Variants in MUC5B observed in about 807,000 individuals in gnomAD.
MUC5B encodes mucin-5B.
In MUC5B, 116 loss-of-function variants were observed where a neutral mutation model predicts 376.9. That is an observed-to-expected ratio of 0.31 (90% CI 0.26 to 0.36). The LOEUF (loss-of-function observed/expected upper bound fraction) is 0.36. MUC5B is among the 10% of genes least tolerant of loss of function. The pLI, the probability that MUC5B is intolerant of heterozygous loss-of-function variation, is 1.00. For synonymous variants in MUC5B, 3,517 were observed against 3,390.9 expected (o/e 1.04, Z -1.29); for missense variants, 7,165 against 7,769.9 (o/e 0.92, Z 2.93).
chr11:1,248,252 C>T lies in MUC5B; in HGVS notation c.11372C>T (p.Ala3791Val). Residue 3791 changes from alanine to valine, a missense_variant, in exon 31 of 49, where the codon GCT becomes GTT. Coordinates refer to ENST00000529681, the MANE Select transcript of MUC5B (RefSeq NM_002458.3). ...ALRSTATTPT[A>V]TSFTAIPSSS... ...AGAAGCACAGCCACCACACCCACAG[C>T]TACCAGCTTTACAGCCATCCCCTCC... 6.2e-7 allele frequency: 1 copy of T among 1,603,784 alleles called. No homozygotes were observed. The highest frequency in any genetic ancestry group is 1.1e-5 in the South Asian group (1 of 90,716).
Position 1,248,609 on chromosome 11 carries a change from C to T in MUC5B, c.11729C>T (p.Pro3910Leu), listed in dbSNP as rs199815821. The T allele has an allele frequency of 3.0e-5, 48 of 1,612,798 alleles. No individual in the cohort carries two copies. The highest frequency in any genetic ancestry group is 2.5e-4 in the African/African-American group (19 of 74,856). ...SGSTVTPSSV[P>L]GTTHTPTVLT... Reference sequence around the variant, plus strand: ...TCCACGGTGACCCCCTCCTCCGTCCCGGGGACCACCCACACCCCCACAGTG... The same window carrying T: ...TCCACGGTGACCCCCTCCTCCGTCCTGGGGACCACCCACACCCCCACAGTG... Residue 3910 changes from proline (P) to leucine (L), a missense_variant, in exon 31 of 49, where the codon CCG becomes CTG. This residue lies in a region of MUC5B where 242 missense variants were observed against 199.0 expected (regional missense o/e 1.22). Transcript: ENST00000529681.
rs777896951 is a variant in MUC5B, at chr11:1,241,357, G to T, written c.4477G>T (p.Val1493Phe). The T allele has an allele frequency of 6.2e-7, 1 of 1,612,486 alleles. No individual in the cohort carries two copies. Among genetic ancestry groups the T allele is most frequent in the Admixed American group, 1.7e-5 (1 of 59,756 alleles). Reference protein sequence around the residue: ...QTGSSSGPVTVTPSAPGTTTC... With the variant: ...QTGSSSGPVTFTPSAPGTTTC... ...TGGGTCCAGCTCAGGCCCCGTGACGGTCACCCCCTCGGCCCCAGGTACCAC... is the reference window on the plus strand; with the variant it reads ...TGGGTCCAGCTCAGGCCCCGTGACGTTCACCCCCTCGGCCCCAGGTACCAC... The change falls in exon 31 of 49, where the codon GTC (valine) becomes TTC (phenylalanine). Residue 1493 changes from valine (V) to phenylalanine (F), a missense_variant. By Grantham distance (50) the Val-to-Phe change is conservative. Around this residue, in one of 31 missense-constraint regions of MUC5B, gnomAD observed 517 missense variants for 545.3 expected, o/e 0.95. Transcript: ENST00000529681.
Position 1,253,943 on chromosome 11 carries a change from C to A in MUC5B, c.15218-149C>A. The stretch of plus-strand genomic sequence containing the variant: ...GGGGGACCCCATTCTACACACTGGA[C>A]CCATTTTTATAGACGAGGCAGCTGA... On this transcript the variant is annotated intron_variant, in intron 33 of 48. Transcript: ENST00000529681. This position sits in a 1 kb window ranked among gnomAD's most constrained non-coding sequence, Gnocchi z 4.3. The A allele has an allele frequency of 1.8e-6, 2 of 1,094,340 alleles. No homozygotes were observed. Among genetic ancestry groups the A allele is most frequent in the Admixed American group, 2.5e-5 (1 of 39,638 alleles). The allele number at this position is 1,094,340 out of a possible 1,614,324, so 67.8% of individuals were successfully genotyped here.
In MUC5B at chr11:1,245,810, C is replaced by T; in HGVS notation, c.8930C>T (p.Thr2977Ile). 3 of 1,613,392 alleles carry T rather than the reference C, an allele frequency of 1.9e-6. No individual in the cohort carries two copies. The highest frequency in any genetic ancestry group is 2.5e-6 in the Non-Finnish European group (3 of 1,179,804). ...NYGHCPSTPA[T>I]SSTATPSSTP... is the part of the protein sequence containing the mutation. ...GGCCACTGCCCCAGCACCCCGGCCA[C>T]CAGCTCTACGGCCACGCCCTCCTCC... Residue 2977 changes from threonine to isoleucine, a missense_variant, in exon 31 of 49, where the codon ACC (threonine) becomes ATC (isoleucine). Around this residue, in one of 31 missense-constraint regions of MUC5B, gnomAD observed 939 missense variants for 770.6 expected, o/e 1.22. Transcript: ENST00000529681.
In MUC5B at chr11:1,247,080, C is replaced by A. The variant is rs376457579; in HGVS notation, c.10200C>A (p.Thr3400=). The change falls in exon 31 of 49, where the codon ACC becomes ACA. Residue 3400 remains threonine (T), a synonymous_variant. Transcript: ENST00000529681. ...LTTTATTITA[T]GSTTNPSSTP... ...CCACGGCCACTACGATCACAGCCAC[C>A]GGCTCCACCACCAACCCCTCCTCAA... 6.4e-7 allele frequency: 1 copy of A among 1,562,236 alleles called. No homozygotes were observed. The highest frequency in any genetic ancestry group is 8.7e-7 in the Non-Finnish European group (1 of 1,153,430).
chr11:1,240,676 C>A (rs56113656), intron 30 of MUC5B, among the ~76,000 whole-genome samples, 175 bp from the exon 31 acceptor site: 3,468 of 152,342 alleles, frequency 0.023, 55 homozygotes, highest in Non-Finnish European at 0.033. Flanking sequence ...GGCTGCCAGG[C>A]CCCAGTCCCT....
rs1262849143 is a variant in MUC5B at position 1,245,834 on chromosome 11, C to G, written c.8954C>G (p.Ser2985Cys). 2 of 1,613,484 alleles carry G rather than the reference C, an allele frequency of 1.2e-6. No individual in the cohort carries two copies. The highest frequency in any genetic ancestry group is 1.7e-6 in the Non-Finnish European group (2 of 1,179,840). The change falls in exon 31 of 49, where the codon TCC becomes TGC. Residue 2985 changes from serine to cysteine, a missense_variant. Transcript: ENST00000529681. ...PATSSTATPS[S>C]TPGTTWILTE... ...ACCAGCTCTACGGCCACGCCCTCCT[C>G]CACTCCAGGGACGACCTGGATCCTC... is the stretch of plus-strand genomic sequence containing the variant.
rs1252607459 is a variant in MUC5B, at chr11:1,239,073, G to A, written c.3454+46G>A. 9.0e-6 allele frequency: 14 copies of A among 1,553,320 alleles called. No homozygotes were observed. The East Asian group carries it at 1.7e-4, about 19-fold the overall frequency. ...GGTGCTGAAGGGTGGAGCTGCTGGG[G>A]CAGGGGAGGAGGTGTGGCAGCCTCC... On this transcript the variant is annotated intron_variant, in intron 26 of 48. Transcript: ENST00000529681.
At chr11:1,227,516 A>G (rs1300233047) in intron 6 of MUC5B, 118 bp downstream of exon 6, 2 of 768,560 alleles carry the variant, frequency 2.6e-6, no homozygotes, top group Non-Finnish European at 4.5e-6. Context: ...GGGAGGGGCC[A>G]CGAGGACTGT....
At position 1,239,544 on chromosome 11, in the gene MUC5B, G is replaced by A. The variant is rs753509356; in HGVS notation, c.3561G>A (p.Leu1187=). The A allele has an allele frequency of 1.3e-6, 2 of 1,590,134 alleles. No homozygotes were observed. The highest frequency in any genetic ancestry group is 4.5e-5 in the East Asian group (2 of 44,474). ...KTCRNPSGHC[L]VDLPGLEGCY... ...GCCGGAACCCCAGTGGGCACTGCCT[G>A]GTGGACCTGCCTGGCCTGGAAGGTG... The change falls in exon 27 of 49, where the codon CTG becomes CTA. Residue 1187 remains leucine, a synonymous_variant. Transcript: ENST00000529681.
rs986359456 is a variant in MUC5B at position 1,226,545 on chromosome 11, C to T, written c.200-70C>T. 5.9e-6 allele frequency: 9 copies of T among 1,526,178 alleles called. No homozygotes were observed. In the Admixed American group the frequency reaches 5.9e-5, roughly 10 times the overall value. 94.5% of individuals were successfully genotyped at this position (1,526,178 alleles called of 1,614,324 possible). A position where few individuals can be genotyped will look rare whatever the true frequency, so the allele number is the denominator to read the frequency against. ...CTTTTCCATTCCAAAAACCAGGGTG[C>T]CTCGGCCCAGGGGAGGCTACCCCGT... On this transcript the variant is annotated intron_variant, in intron 3 of 48. Coordinates refer to ENST00000529681, the MANE Select transcript of MUC5B (RefSeq NM_002458.3).
At chr11:1,252,607 G>A (rs907460221) in intron 32 of MUC5B, 83 bp downstream of exon 32, 5 of 1,415,864 alleles carry the variant, frequency 3.5e-6, no homozygotes, top group South Asian at 2.9e-5. Flanking sequence ...TCCAGCTCCC[G>A]AGGCCCGTCT....
At position 1,250,089 on chromosome 11, in the gene MUC5B, A is replaced by G. The variant is rs769392813; in HGVS notation, c.13209A>G (p.Ala4403=). ...TGACCACAGCAGCCACTACAACTGCAGCCACTGGCCCCACGGCCACCCCGT... is the reference window on the plus strand; with the variant it reads ...TGACCACAGCAGCCACTACAACTGCGGCCACTGGCCCCACGGCCACCCCGT... ...TELTTAATTT[A]ATGPTATPSS... is the part of the protein sequence containing the mutation. Residue 4403 remains alanine, a synonymous_variant, in exon 31 of 49, where the codon GCA becomes GCG. Coordinates refer to ENST00000529681, the MANE Select transcript of MUC5B (RefSeq NM_002458.3). 8 of 1,594,690 alleles carry G rather than the reference A, an allele frequency of 5.0e-6. No individual in the cohort carries two copies. Among genetic ancestry groups the G allele is most frequent in the African/African-American group, 2.7e-5 (2 of 74,130 alleles).
Position 1,234,089 on chromosome 11 carries a change from G to A in MUC5B, c.2378-116G>A. 1 of 929,238 alleles carries A rather than the reference G, an allele frequency of 1.1e-6. No homozygotes were observed. The highest frequency in any genetic ancestry group is 1.5e-5 in the South Asian group (1 of 64,968). The allele number at this position is 929,238 out of a possible 1,614,324, so 57.6% of individuals were successfully genotyped here. On this transcript the variant is annotated intron_variant, in intron 19 of 48. Transcript: ENST00000529681. The surrounding 1 kb of genome is among the most constrained non-coding windows in gnomAD (Gnocchi z 6.3). Reference sequence around the variant, plus strand: ...GTTGGGGGCTGCAGGTGTCATGGAAGCTTTGGCTCGGGGGCTGTTAACTTG... The same window carrying A: ...GTTGGGGGCTGCAGGTGTCATGGAAACTTTGGCTCGGGGGCTGTTAACTTG...
intron 1 of MUC5B, among the ~76,000 whole-genome samples, chr11:1,224,942 G>T (rs2133802542): frequency 6.6e-6 from 1 of 152,266 alleles, no homozygotes; most frequent in East Asian, 1.9e-4. Flanking sequence ...TGAAGGGGGC[G>T]CCCCAACCCA....
rs946398448 is a variant in MUC5B at position 1,259,925 on chromosome 11, A to G, written c.16801-38A>G. On this transcript the variant is annotated intron_variant, in intron 45 of 48. Coordinates refer to ENST00000529681, the MANE Select transcript of MUC5B (RefSeq NM_002458.3). Reference sequence around the variant, plus strand: ...CCAATGGGGCTCTGCACAAGAGGTAATCCCTACTCAGCTTCCACACTCACC... The same window carrying G: ...CCAATGGGGCTCTGCACAAGAGGTAGTCCCTACTCAGCTTCCACACTCACC... 4 of 1,612,506 alleles carry G rather than the reference A, an allele frequency of 2.5e-6. No homozygotes were observed. In the African/African-American group the frequency reaches 4.0e-5, roughly 16 times the overall value.
intron 27 of MUC5B, 74 bp downstream of exon 27, chr11:1,239,640 C>T: frequency 6.6e-7 from 1 of 1,515,142 alleles, no homozygotes; most frequent in Non-Finnish European, 8.8e-7. Context: ...GCGGGGATCC[C>T]CAGGGACGCG....
intron 46 of MUC5B, 84 bp downstream of exon 46, chr11:1,260,169 AGGGAGGCCCCACCCCTGCTG>A (rs772205795): frequency 0.028 from 43,729 of 1,537,604 alleles, 831 homozygotes; most frequent in Non-Finnish European, 0.031. Flanking sequence ...CCTGCACAGC[AGGGAGGCCCCACCCCTGCTG>A]GGGAGGCCCC....
chr11:1,255,037 C>T lies in MUC5B; in HGVS notation c.15665-4C>T, dbSNP rs759737620. 1.3e-6 allele frequency: 2 copies of T among 1,584,022 alleles called. No individual in the cohort carries two copies. The highest frequency in any genetic ancestry group is 2.3e-5 in the South Asian group (2 of 86,998). ...CAGCCCCGCGGTGACGCCCCCACTC[C>T]CAGGCACCTGCACCAACAACCAGAG... On this transcript the variant is annotated splice_region_variant and splice_polypyrimidine_tract_variant and intron_variant, in intron 35 of 48. Transcript: ENST00000529681.
Sources: allele counts gnomAD v4.1 joint callset (sites outside exome capture counted in the v4.1 genomes callset), GRCh38; gene constraint gnomAD v4.1.1; regional missense constraint gnomAD v4.1.1; non-coding constraint Gnocchi (gnomAD v3.1); transcripts MANE v1.5; gene names NCBI Gene and HGNC (gene_info 2026-07-23, HGNC 2026-07-21).